The following HDAC9 variants were observed in gnomAD, a reference collection of about 807,000 sequenced individuals.
The protein encoded by HDAC9 is MEF-2 interacting transcription repressor (MITR) protein.
HDAC9 carries 41 observed loss-of-function variants against 139.4 expected under a neutral mutation model. The ratio of observed to expected loss-of-function variants is 0.29; its 90% confidence interval spans 0.23 to 0.38. The LOEUF (loss-of-function observed/expected upper bound fraction) is 0.38. Among genes scored for constraint, HDAC9 ranks in the 10% least tolerant of loss-of-function variants. HDAC9 has a pLI of 1.00. For missense variants in HDAC9, 1,147 were observed against 1,297.0 expected, an observed-to-expected ratio of 0.88 and a Z score of 1.78; for synonymous variants, 517 against 476.2, an observed-to-expected ratio of 1.09 and a Z score of -1.12.
intron 2 of HDAC9, among the ~76,000 whole-genome samples, chr7:18,168,884 T>C (rs1788188610): frequency 9.4e-6 from 1 of 106,604 alleles, no homozygotes; most frequent in South Asian, 3.6e-4. Context: ...GTCTTGTTTT[T>C]TTTTTTTTTT....
At chr7:18,731,002 G>C (rs1785994153) in intron 13 of HDAC9, among the ~76,000 whole-genome samples, 1 of 152,146 alleles carries the variant, frequency 6.6e-6, no homozygotes. Context: ...AATGACTAAT[G>C]GGCAGGTGAC....
rs567557362 is a variant in HDAC9 at position 18,721,287 on chromosome 7, C to T, written c.1732-6293C>T. On this transcript the variant is annotated intron_variant, in intron 12 of 25. Transcript: ENST00000686413. ...CTCCTATTGCCCCTCTCATTCCTTC[C>T]CTTCTGAATTTGCTGTTTATTTTTT... is the stretch of plus-strand genomic sequence containing the variant. Among the ~76,000 whole-genome samples, 132 of 152,132 alleles carry T rather than the reference C, an allele frequency of 8.7e-4. 2 individuals carry two copies. The highest frequency in any genetic ancestry group is 2.9e-3 in the Admixed American group (45 of 15,274).
chr7:18,417,914 A>G (rs531528477), intron 1 of HDAC9, among the ~76,000 whole-genome samples: 1 of 152,280 alleles, frequency 6.6e-6, no homozygotes, highest in Admixed American at 6.5e-5. Context: ...CTGGTGCTCT[A>G]TCCAGAAAAC....
chr7:18,697,484 T>A (rs1203430184), intron 12 of HDAC9, among the ~76,000 whole-genome samples: 2 of 152,180 alleles, frequency 1.3e-5, no homozygotes, highest in Non-Finnish European at 2.9e-5. Context: ...TCTCTCTGTG[T>A]CTCTCTTTTT....
intron 1 of HDAC9, among the ~76,000 whole-genome samples, chr7:18,113,789 A>T (rs1783787900): frequency 6.6e-6 from 1 of 152,208 alleles, no homozygotes; most frequent in African/African-American, 2.4e-5. Flanking sequence ...AAACATAGTA[A>T]GATACAGAGC....
intron 2 of HDAC9, among the ~76,000 whole-genome samples, chr7:18,581,982 C>T (rs575890091): frequency 9.5e-4 from 144 of 152,278 alleles, no homozygotes; most frequent in Non-Finnish European, 1.6e-3. Context: ...AACTTCTGGT[C>T]AATCCATGGC....
intron 2 of HDAC9, among the ~76,000 whole-genome samples, chr7:18,560,589 G>A (rs570748694): frequency 3.3e-5 from 5 of 152,256 alleles, no homozygotes; most frequent in African/African-American, 1.2e-4. Flanking sequence ...CTACAGTGTA[G>A]TGGAATATGC....
chr7:18,793,321 G>C, intron 16 of HDAC9, 24 bp from the exon 17 acceptor site: 1 of 1,487,966 alleles, frequency 6.7e-7, no homozygotes, highest in Non-Finnish European at 9.2e-7. Context: ...TTCTGTCTTC[G>C]GACTCTGCTG....
intron 22 of HDAC9, among the ~76,000 whole-genome samples, chr7:18,876,424 A>T (rs1004593297): frequency 6.6e-6 from 1 of 152,144 alleles, no homozygotes; most frequent in Non-Finnish European, 1.5e-5. Flanking sequence ...TCAAGCAGAC[A>T]TATTTTAAGT....
intron 1 of HDAC9, among the ~76,000 whole-genome samples, chr7:18,157,913 A>G (rs779007239): frequency 4.3e-4 from 65 of 151,938 alleles, no homozygotes; most frequent in Non-Finnish European, 8.4e-4. Context: ...TTTCCCACCA[A>G]TAAATGATCT....
intron 13 of HDAC9, among the ~76,000 whole-genome samples, chr7:18,745,871 TTTC>T (rs776302030): frequency 3.6e-5 from 5 of 139,366 alleles, no homozygotes; most frequent in Non-Finnish European, 6.2e-5. Context: ...GAAGAATATA[TTTC>T]TTCTTCTTCT....
intron 24 of HDAC9, among the ~76,000 whole-genome samples, chr7:18,970,010 G>A (rs1387255154): frequency 6.6e-6 from 1 of 152,124 alleles, no homozygotes; most frequent in African/African-American, 2.4e-5. Context: ...GAGCTTACCA[G>A]GTAGCACCAT....
At chr7:18,395,451 T>G (rs1786935553) in intron 1 of HDAC9, among the ~76,000 whole-genome samples, 1 of 152,008 alleles carries the variant, frequency 6.6e-6, no homozygotes, top group South Asian at 2.1e-4. Flanking sequence ...ATGTGGTAAT[T>G]TTGTGCATAT....
intron 2 of HDAC9, among the ~76,000 whole-genome samples, chr7:18,561,068 A>G (rs1006497746): frequency 2.6e-5 from 4 of 152,180 alleles, no homozygotes; most frequent in Non-Finnish European, 1.5e-5. Flanking sequence ...AGAAACAACA[A>G]CAAAAAAATG....
chr7:18,547,441 T>G (rs1435490646), intron 2 of HDAC9, among the ~76,000 whole-genome samples: 1 of 152,186 alleles, frequency 6.6e-6, no homozygotes, highest in African/African-American at 2.4e-5. Context: ...TTCACCATGT[T>G]AGCCAGGACA....
chr7:18,657,919 C>A (rs1791766631), intron 11 of HDAC9, among the ~76,000 whole-genome samples: 1 of 152,044 alleles, frequency 6.6e-6, no homozygotes, highest in South Asian at 2.1e-4. Context: ...TCCTCCCTTC[C>A]CTCTCTCTCT....
At chr7:18,700,825 A>C (rs1783416871) in intron 12 of HDAC9, among the ~76,000 whole-genome samples, 1 of 152,162 alleles carries the variant, frequency 6.6e-6, no homozygotes, top group Non-Finnish European at 1.5e-5. Flanking sequence ...AGTAGCCAGA[A>C]GTTGCTGGCC....
At chr7:18,095,728 A>C (rs971885489) in intron 1 of HDAC9, among the ~76,000 whole-genome samples, 9 of 152,212 alleles carry the variant, frequency 5.9e-5, no homozygotes, top group Non-Finnish European at 1.3e-4. Context: ...TATAAAACCA[A>C]ACCCAACAAA....
Position 19,001,423 on chromosome 7 carries a change from T to C in HDAC9, c.*5361T>C, listed in dbSNP as rs536290506. 2.6e-5 allele frequency: 4 copies of C among 152,214 alleles called. No individual in the cohort carries two copies. In the East Asian group the frequency reaches 7.7e-4, roughly 29 times the overall value. The allele number at this position is 152,214 out of a possible 1,614,324, so 9.4% of individuals were successfully genotyped here. A position where few individuals can be genotyped will look rare whatever the true frequency, so the allele number is the denominator to read the frequency against. On this transcript the variant is annotated 3_prime_UTR_variant, in exon 26 of 26. Coordinates refer to ENST00000686413, the MANE Select transcript of HDAC9 (RefSeq NM_178425.4). Reference sequence around the variant, plus strand: ...ACTGTTTCCTGGGACATTGTGGTCATGTCCTTAATCCTTCATTGTGATGCC... The same window carrying C: ...ACTGTTTCCTGGGACATTGTGGTCACGTCCTTAATCCTTCATTGTGATGCC...
Sources: gnomAD v4.1 joint callset for allele counts (sites outside exome capture counted in the v4.1 genomes callset) on GRCh38, gnomAD v4.1.1 for gene constraint, MANE v1.5 for transcripts, NCBI Gene and HGNC (gene_info 2026-07-23, HGNC 2026-07-21) for gene names.